Variants in CDRT15L2 observed in about 807,000 individuals in gnomAD.
The protein encoded by CDRT15L2 is CMT1A duplicated region transcript 15 like 2.
Under a neutral mutation model 21.5 loss-of-function variants are expected in CDRT15L2, and 13 were observed. That is an observed-to-expected ratio of 0.60 (90% CI 0.39 to 0.96). The LOEUF (loss-of-function observed/expected upper bound fraction) is 0.96. Among genes scored for constraint, CDRT15L2 ranks in the 40% least tolerant of loss-of-function variants. The pLI, the probability that CDRT15L2 is intolerant of heterozygous loss-of-function variation, is 0.00. For synonymous variants in CDRT15L2, 121 were observed against 144.9 expected, an observed-to-expected ratio of 0.84 and a Z score of 1.18; for missense variants, 292 against 354.8, an observed-to-expected ratio of 0.82 and a Z score of 1.42.
chr17:20,579,775 G>A lies in CDRT15L2; in HGVS notation c.32G>A (p.Gly11Asp), dbSNP rs1294404438. The change falls in exon 1 of 2, where the codon GGT becomes GAT. Residue 11 changes from glycine (G) to aspartate (D), a missense_variant. By Grantham distance (94) the Gly-to-Asp change is moderately conservative. Coordinates refer to ENST00000399044, the MANE Select transcript of CDRT15L2 (RefSeq NM_001190790.2). ...TCCTGTTGCTTCCCCACTTCGAGAG[G>A]TTGCTGCTTCAGGAATGGAGGGAGT... MFSCCFPTSR[G>D]CCFRNGGSES... 3 of 1,607,534 alleles carry A rather than the reference G, an allele frequency of 1.9e-6. No individual in the cohort carries two copies. Among genetic ancestry groups the A allele is most frequent in the Non-Finnish European group, 1.7e-6 (2 of 1,177,944 alleles).
Position 20,580,513 on chromosome 17 carries a change from A to G in CDRT15L2, c.630A>G (p.Thr210=). The G allele has an allele frequency of 6.4e-7, 1 of 1,550,774 alleles. No homozygotes were observed. Among genetic ancestry groups the G allele is most frequent in the South Asian group, 1.2e-5 (1 of 84,036 alleles). ...GGCTTCTCTCATTCGCCGGAACCAC[A>G]GCCCTGCTGCTGCAGGGCCTGTTTA... The part of the protein sequence containing the change: ...GERLLSFAGT[T]ALLLQGLFIV... The change falls in exon 2 of 2, where the codon ACA becomes ACG. Residue 210 remains threonine (T), a synonymous_variant. Coordinates refer to ENST00000399044, the MANE Select transcript of CDRT15L2 (RefSeq NM_001190790.2).
In CDRT15L2 at chr17:20,579,978, A is replaced by C. The variant is rs1220709430; in HGVS notation, c.235A>C (p.Ile79Leu). ...GCACATTGTCCTTGTCCAGGAGGAG[A>C]TTCGGGAGCCCATGGAGGCACAGAC... ...PLHIVLVQEE[I>L]REPMEAQTHA... The change falls in exon 1 of 2, where the codon ATT (isoleucine) becomes CTT (leucine). Residue 79 changes from isoleucine to leucine, a missense_variant. Ile to Leu is a conservative substitution (Grantham distance 5). Coordinates refer to ENST00000399044, the MANE Select transcript of CDRT15L2 (RefSeq NM_001190790.2). The C allele has an allele frequency of 2.6e-6, 4 of 1,561,534 alleles. No individual in the cohort carries two copies. The Admixed American group carries it at 7.7e-5, about 30-fold the overall frequency.
In CDRT15L2 at chr17:20,580,335, A is replaced by G. The variant is rs2043285777; in HGVS notation, c.452A>G (p.Glu151Gly). The change falls in exon 2 of 2, where the codon GAA becomes GGA. Residue 151 changes from glutamate to glycine, a missense_variant. By Grantham distance (98) the Glu-to-Gly change is moderately conservative. Transcript: ENST00000399044. ...GCCACTGGCCTTAATGCTGGAGCTG[A>G]AAACGTGGCTGGAGAGAGAAGTGGG... The part of the protein sequence containing the change: ...TVATGLNAGA[E>G]NVAGERSGRE... The G allele has an allele frequency of 5.4e-6, 8 of 1,477,028 alleles. No individual in the cohort carries two copies. The East Asian group carries it at 2.0e-4, about 37-fold the overall frequency. The allele number at this position is 1,477,028 out of a possible 1,614,324, so 91.5% of individuals were successfully genotyped here. A position where few individuals can be genotyped will look rare whatever the true frequency, so the allele number is the denominator to read the frequency against.
Position 20,580,763 on chromosome 17 carries a change from G to C in CDRT15L2, c.*34G>C. 1.4e-6 allele frequency: 2 copies of C among 1,464,270 alleles called. No homozygotes were observed. Among genetic ancestry groups the C allele is most frequent in the Non-Finnish European group, 1.9e-6 (2 of 1,080,858 alleles). 90.7% of individuals were successfully genotyped at this position (1,464,270 alleles called of 1,614,324 possible). On this transcript the variant is annotated 3_prime_UTR_variant, in exon 2 of 2. Coordinates refer to ENST00000399044, the MANE Select transcript of CDRT15L2 (RefSeq NM_001190790.2). The stretch of plus-strand genomic sequence containing the variant: ...CAGGGGTTGAGGGGACCAGGAGGTG[G>C]CTCCAAAGGGTACAGCAAGGAAAGC...
chr17:20,579,991 T>C lies in CDRT15L2; in HGVS notation c.248T>C (p.Met83Thr). The C allele has an allele frequency of 1.9e-6, 3 of 1,554,124 alleles. No homozygotes were observed. The highest frequency in any genetic ancestry group is 2.6e-6 in the Non-Finnish European group (3 of 1,149,086). ...GTCCAGGAGGAGATTCGGGAGCCCA[T>C]GGAGGCACAGACACATGGTGAGGTG... The part of the protein sequence containing the change: ...VLVQEEIREP[M>T]EAQTHAPGPY... Residue 83 changes from methionine (M) to threonine (T), a missense_variant, in exon 1 of 2, where the codon ATG becomes ACG. Met to Thr is a moderately conservative substitution (Grantham distance 81). Transcript: ENST00000399044.
Position 20,580,486 on chromosome 17 carries a change from G to C in CDRT15L2, c.603G>C (p.Glu201Asp), listed in dbSNP as rs1297505768. 6.4e-7 allele frequency: 1 copy of C among 1,550,652 alleles called. No individual in the cohort carries two copies. Among genetic ancestry groups the C allele is most frequent in the Non-Finnish European group, 8.7e-7 (1 of 1,147,008 alleles). Residue 201 changes from glutamate to aspartate, a missense_variant, in exon 2 of 2, where the codon GAG (glutamate) becomes GAC (aspartate). Coordinates refer to ENST00000399044, the MANE Select transcript of CDRT15L2 (RefSeq NM_001190790.2). ...CTGGACTCCTGTACCTCGCTGGAGA[G>C]AGGCTTCTCTCATTCGCCGGAACCA... Reference protein sequence around the residue: ...IQTGLLYLAGERLLSFAGTTA... With the variant: ...IQTGLLYLAGDRLLSFAGTTA...
rs1163992409 is a variant in CDRT15L2, at chr17:20,580,537, T to A, written c.654T>A (p.Phe218Leu). Residue 218 changes from phenylalanine (F) to leucine (L), a missense_variant, in exon 2 of 2, where the codon TTT (phenylalanine) becomes TTA (leucine). By Grantham distance (22) the Phe-to-Leu change is conservative. Transcript: ENST00000399044. ...CAGCCCTGCTGCTGCAGGGCCTGTTTATTGTGCTAATTCTGGTGGGGTATA... is the reference window on the plus strand; with the variant it reads ...CAGCCCTGCTGCTGCAGGGCCTGTTAATTGTGCTAATTCTGGTGGGGTATA... ...GTTALLLQGL[F>L]IVLILVGYIS... 1 of 1,550,984 alleles carries A rather than the reference T, an allele frequency of 6.4e-7. No individual in the cohort carries two copies. The highest frequency in any genetic ancestry group is 8.7e-7 in the Non-Finnish European group (1 of 1,147,020).
chr17:20,580,580 C>T lies in CDRT15L2; in HGVS notation c.697C>T (p.Leu233Phe). The T allele has an allele frequency of 6.4e-7, 1 of 1,551,480 alleles. No individual in the cohort carries two copies. The highest frequency in any genetic ancestry group is 8.7e-7 in the Non-Finnish European group (1 of 1,147,028). ...GGGGTATATCTCTGTGAAGGTGATG[C>T]TCAAGAGCATTAAAACAAGGCTGGG... ...LVGYISVKVM[L>F]KSIKTRLGRR... is the part of the protein sequence containing the mutation. Residue 233 changes from leucine to phenylalanine, a missense_variant, in exon 2 of 2, where the codon CTC (leucine) becomes TTC (phenylalanine). Physicochemically the swap from Leu to Phe is conservative, Grantham distance 22 (BLOSUM62 0). Transcript: ENST00000399044.
Position 20,580,593 on chromosome 17 carries a change from A to G in CDRT15L2, c.710A>G (p.Lys237Arg), listed in dbSNP as rs1188559290. ...ISVKVMLKSI[K>R]TRLGRRVPAA... The stretch of plus-strand genomic sequence containing the variant: ...GTGAAGGTGATGCTCAAGAGCATTA[A>G]AACAAGGCTGGGAAGAAGAGTTCCA... The change falls in exon 2 of 2, where the codon AAA (lysine) becomes AGA (arginine). Residue 237 changes from lysine to arginine, a missense_variant. By Grantham distance (26) the Lys-to-Arg change is conservative. Coordinates refer to ENST00000399044, the MANE Select transcript of CDRT15L2 (RefSeq NM_001190790.2). The G allele has an allele frequency of 6.4e-6, 10 of 1,551,530 alleles. No homozygotes were observed. The Admixed American group carries it at 7.8e-5, about 12-fold the overall frequency.
chr17:20,580,828 C>T lies in CDRT15L2; in HGVS notation c.*99C>T. Reference sequence around the variant, plus strand: ...GTTGTGCTCCAGGCTCTCCATGCCACCACCTGCCCTAGCATTTATTAATAG... The same window carrying T: ...GTTGTGCTCCAGGCTCTCCATGCCATCACCTGCCCTAGCATTTATTAATAG... On this transcript the variant is annotated 3_prime_UTR_variant, in exon 2 of 2. Transcript: ENST00000399044. 1 of 672,700 alleles carries T rather than the reference C, an allele frequency of 1.5e-6. No homozygotes were observed. Among genetic ancestry groups the T allele is most frequent in the Non-Finnish European group, 2.5e-6 (1 of 392,166 alleles). The allele number at this position is 672,700 out of a possible 1,614,324, so 41.7% of individuals were successfully genotyped here.
rs1200443518 is a variant in CDRT15L2, at chr17:20,580,252, A to C, written c.369A>C (p.Gly123=). ...PPPERALEVE[G]APAKDQPSQE... ...CAGAGAGAGCGCTGGAGGTGGAGGG[A>C]GCTCCAGCCAAGGACCAGCCCAGCC... The change falls in exon 2 of 2, where the codon GGA becomes GGC. Residue 123 remains glycine (G), a synonymous_variant. Transcript: ENST00000399044. The C allele has an allele frequency of 4.7e-6, 7 of 1,476,006 alleles. No homozygotes were observed. In the Admixed American group the frequency reaches 1.7e-4, roughly 37 times the overall value. 91.4% of individuals were successfully genotyped at this position (1,476,006 alleles called of 1,614,324 possible).
intron 1 of CDRT15L2, 38 bp downstream of exon 1, chr17:20,580,046 G>A: frequency 6.7e-7 from 1 of 1,501,986 alleles, no homozygotes; most frequent in Non-Finnish European, 8.9e-7. Context: ...TGCGGGGGCG[G>A]TGCTTTTGGG....
In CDRT15L2 at chr17:20,580,144, T is replaced by G. The variant is rs1046897230; in HGVS notation, c.266-5T>G. On this transcript the variant is annotated splice_polypyrimidine_tract_variant and splice_region_variant and intron_variant, in intron 1 of 1. Coordinates refer to ENST00000399044, the MANE Select transcript of CDRT15L2 (RefSeq NM_001190790.2). ...TGATGCTGGTGACCCTTTCTCCTTT[T>G]TCAGCTCCTGGTCCGTACGCAGACA... 4 of 1,476,400 alleles carry G rather than the reference T, an allele frequency of 2.7e-6. No homozygotes were observed. The African/African-American group carries it at 5.7e-5, about 21-fold the overall frequency. The allele number at this position is 1,476,400 out of a possible 1,614,324, so 91.5% of individuals were successfully genotyped here.
intron 1 of CDRT15L2, 40 bp downstream of exon 1, chr17:20,580,048 G>A (rs1438108389): frequency 4.7e-6 from 7 of 1,500,212 alleles, no homozygotes; most frequent in Middle Eastern, 1.7e-4. Context: ...CGGGGGCGGT[G>A]CTTTTGGGCT....
chr17:20,580,040 GGGGCGGTGCTTTT>G (rs1280143611), intron 1 of CDRT15L2, 32 bp downstream of exon 1: 1 of 1,504,458 alleles, frequency 6.6e-7, no homozygotes, highest in African/African-American at 1.4e-5. Context: ...AGACTTTGCG[GGGGCGGTGCTTTT>G]GGGCTGGAAT....
In CDRT15L2 at chr17:20,580,504, C is replaced by G. The variant is rs556804326; in HGVS notation, c.621C>G (p.Ala207=). 5 of 1,549,676 alleles carry G rather than the reference C, an allele frequency of 3.2e-6. No homozygotes were observed. Among genetic ancestry groups the G allele is most frequent in the African/African-American group, 1.4e-5 (1 of 72,488 alleles). The part of the protein sequence containing the change: ...YLAGERLLSF[A]GTTALLLQGL... ...CTGGAGAGAGGCTTCTCTCATTCGC[C>G]GGAACCACAGCCCTGCTGCTGCAGG... Residue 207 remains alanine, a synonymous_variant, in exon 2 of 2, where the codon GCC becomes GCG. Coordinates refer to ENST00000399044, the MANE Select transcript of CDRT15L2 (RefSeq NM_001190790.2).
In CDRT15L2 at chr17:20,579,990, A is replaced by G. The variant is rs745951492; in HGVS notation, c.247A>G (p.Met83Val). The change falls in exon 1 of 2, where the codon ATG becomes GTG. Residue 83 changes from methionine (M) to valine (V), a missense_variant. Coordinates refer to ENST00000399044, the MANE Select transcript of CDRT15L2 (RefSeq NM_001190790.2). ...TGTCCAGGAGGAGATTCGGGAGCCC[A>G]TGGAGGCACAGACACATGGTGAGGT... ...VLVQEEIREP[M>V]EAQTHAPGPY... 3.2e-6 allele frequency: 5 copies of G among 1,553,944 alleles called. No homozygotes were observed. Among genetic ancestry groups the G allele is most frequent in the Admixed American group, 3.9e-5 (2 of 50,824 alleles).
rs2043284855 is a variant in CDRT15L2, at chr17:20,580,209, C to T, written c.326C>T (p.Ala109Val). The part of the protein sequence containing the change: ...LAAPAVEPKP[A>V]WEEPPPERAL... Reference sequence around the variant, plus strand: ...GCACCGGCTGTCGAGCCAAAGCCAGCATGGGAAGAGCCCCCTCCAGAGAGA... The same window carrying T: ...GCACCGGCTGTCGAGCCAAAGCCAGTATGGGAAGAGCCCCCTCCAGAGAGA... The change falls in exon 2 of 2, where the codon GCA becomes GTA. Residue 109 changes from alanine to valine, a missense_variant. By Grantham distance (64) the Ala-to-Val change is moderately conservative. Transcript: ENST00000399044. 1.4e-6 allele frequency: 2 copies of T among 1,472,038 alleles called. No individual in the cohort carries two copies. The highest frequency in any genetic ancestry group is 1.4e-5 in the South Asian group (1 of 69,806). 91.2% of individuals were successfully genotyped at this position (1,472,038 alleles called of 1,614,324 possible). A position where few individuals can be genotyped will look rare whatever the true frequency, so the allele number is the denominator to read the frequency against.
In CDRT15L2 at chr17:20,580,793, A is replaced by G. The variant is rs918792439; in HGVS notation, c.*64A>G. 2.9e-5 allele frequency: 34 copies of G among 1,169,844 alleles called. No individual in the cohort carries two copies. Among genetic ancestry groups the G allele is most frequent in the Non-Finnish European group, 4.1e-5 (34 of 833,228 alleles). 72.5% of individuals were successfully genotyped at this position (1,169,844 alleles called of 1,614,324 possible). ...AAAGGGTACAGCAAGGAAAGCTTTT[A>G]AAGACAGCTGTTGTGCTCCAGGCTC... On this transcript the variant is annotated 3_prime_UTR_variant, in exon 2 of 2. Coordinates refer to ENST00000399044, the MANE Select transcript of CDRT15L2 (RefSeq NM_001190790.2).
Sources: allele counts gnomAD v4.1 joint callset, GRCh38; gene constraint gnomAD v4.1.1; transcripts MANE v1.5; gene names NCBI Gene and HGNC (gene_info 2026-07-23, HGNC 2026-07-21).